STMN1: variants seen among roughly 807,000 people sequenced by gnomAD.
STMN1 encodes the protein stathmin.
In STMN1, 3 loss-of-function variants were observed where a neutral mutation model predicts 19.7. That is an observed-to-expected ratio of 0.15 (90% confidence interval 0.07 to 0.39). STMN1 has a LOEUF of 0.39. STMN1 is among the 10% of genes least tolerant of loss of function. The pLI is 1.00. For synonymous variants in STMN1, 59 were observed against 58.9 expected, an observed-to-expected ratio of 1.00 and a Z score of -0.01; for missense variants, 99 against 176.0, an observed-to-expected ratio of 0.56 and a Z score of 2.48.
At position 25,900,600 on chromosome 1, in the gene STMN1, G is replaced by C. The variant is rs1295756906; in HGVS notation, c.*416C>G. On this transcript the variant is annotated 3_prime_UTR_variant, in exon 5 of 5. Coordinates refer to ENST00000455785, the MANE Select transcript of STMN1 (RefSeq NM_005563.4). ...CTGTGCAGTTTTATTAACCATTCAA[G>C]TCCAGTAGCATCTGGTAAGATTGGG... The C allele has an allele frequency of 1.0e-6, 1 of 989,948 alleles. No individual in the cohort carries two copies. The highest frequency in any genetic ancestry group is 1.2e-6 in the Non-Finnish European group (1 of 832,870). The allele number at this position is 989,948 out of a possible 1,614,324, so 61.3% of individuals were successfully genotyped here.
At chr1:25,889,066 A>G (rs1213326877) in intron 4 of STMN1, 1 of 489,964 alleles carries the variant, frequency 2.0e-6, no homozygotes, top group Non-Finnish European at 4.0e-6. Context: ...ATCAGGTACA[A>G]CTCCAAAAGG....
At chr1:25,905,754 C>T (rs896135563) in intron 1 of STMN1, 1 of 152,452 alleles carries the variant, frequency 6.6e-6, no homozygotes, top group South Asian at 2.1e-4. Flanking sequence ...CGCCACCACC[C>T]CCTTCACAGT....
chr1:25,901,152 A>G (rs377131308), intron 4 of STMN1, 65 bp from the exon 5 acceptor site: 1 of 1,568,350 alleles, frequency 6.4e-7, no homozygotes, highest in Non-Finnish European at 8.6e-7. Context: ...CTGTCAAGTC[A>G]CGACCCCCAG....
At chr1:25,885,645 A>G (rs1022934956) in exon 5 of STMN1, 6 of 1,433,450 alleles carry the variant, frequency 4.2e-6, no homozygotes, top group Non-Finnish European at 5.5e-6. Flanking sequence ...TATCTTCCAC[A>G]TCAAGGATCC....
chr1:25,889,587 A>T (rs1354868715), intron 4 of STMN1, among the ~76,000 whole-genome samples: 1 of 151,978 alleles, frequency 6.6e-6, no homozygotes, highest in Non-Finnish European at 1.5e-5. Flanking sequence ...TAGATCCTGA[A>T]TCTAACCATG....
intron 3 of STMN1, chr1:25,902,805 T>C (rs572753235): frequency 6.6e-6 from 1 of 152,274 alleles, no homozygotes; most frequent in Non-Finnish European, 1.5e-5. Context: ...GTGTAAGCAC[T>C]GAGGCTCTTC....
intron 4 of STMN1, among the ~76,000 whole-genome samples, chr1:25,892,285 A>G (rs988200973): frequency 6.6e-6 from 1 of 151,122 alleles, no homozygotes; most frequent in South Asian, 2.1e-4. Flanking sequence ...GCTACTTGGG[A>G]GGCTGAGGCA....
At chr1:25,889,240 G>C in intron 4 of STMN1, 1 of 263,098 alleles carries the variant, frequency 3.8e-6, no homozygotes, top group Non-Finnish European at 7.5e-6. Flanking sequence ...TTTCCTCTCT[G>C]AATCTGTTAT....
chr1:25,893,191 A>G (rs2048791498), intron 4 of STMN1, among the ~76,000 whole-genome samples: 1 of 152,236 alleles, frequency 6.6e-6, no homozygotes. Context: ...TTGTTTTAAT[A>G]ACATTTGACA....
chr1:25,893,467 C>T (rs1572295622), intron 4 of STMN1, among the ~76,000 whole-genome samples: 1 of 152,280 alleles, frequency 6.6e-6, no homozygotes, highest in South Asian at 2.1e-4. Flanking sequence ...TCAGGGCAGG[C>T]ACACTGCTCT....
At chr1:25,901,199 A>C (rs2048869663) in intron 4 of STMN1, 112 bp from the exon 5 acceptor site, 1 of 1,520,414 alleles carries the variant, frequency 6.6e-7, no homozygotes, top group African/African-American at 1.4e-5. Context: ...ACCTCAGTGC[A>C]TATATTACAG....
At chr1:25,897,872 A>C (rs2048833140), downstream of STMN1, among the ~76,000 whole-genome samples, 1 of 152,208 alleles carries the variant, frequency 6.6e-6, no homozygotes, top group African/African-American at 2.4e-5. Flanking sequence ...CCATTTTCCC[A>C]AGTGGAGTGA....
chr1:25,900,738 T>C lies in STMN1; in HGVS notation c.*278A>G, dbSNP rs2048862591. 9 of 1,241,564 alleles carry C rather than the reference T, an allele frequency of 7.2e-6. No individual in the cohort carries two copies. The highest frequency in any genetic ancestry group is 9.1e-6 in the Non-Finnish European group (9 of 989,374). 76.9% of individuals were successfully genotyped at this position (1,241,564 alleles called of 1,614,324 possible). On this transcript the variant is annotated 3_prime_UTR_variant, in exon 5 of 5. Transcript: ENST00000455785. Reference sequence around the variant, plus strand: ...CACAGAGCCAATACAGTACTAGCCATTAACCCAGTACACCAAGTGTACTGA... The same window carrying C: ...CACAGAGCCAATACAGTACTAGCCACTAACCCAGTACACCAAGTGTACTGA...
downstream of STMN1, among the ~76,000 whole-genome samples, chr1:25,899,441 A>G (rs1297737476): frequency 1.3e-5 from 2 of 152,216 alleles, no homozygotes; most frequent in African/African-American, 4.8e-5. Context: ...TATTGCTCAG[A>G]ACCTATTGTT....
At chr1:25,901,877 G>T in intron 3 of STMN1, 195 bp from the exon 4 acceptor site, 1 of 377,000 alleles carries the variant, frequency 2.7e-6, no homozygotes, top group Non-Finnish European at 4.6e-6. Flanking sequence ...GGGCGTGGTG[G>T]CGGGTGCCTG....
Position 25,901,613 on chromosome 1 carries a change from C to A in STMN1, c.256G>T (p.Ala86Ser). ...CTGAAGTTGTTGTTCTCTTCTATTG[C>A]CTTCTGAAGCACTTCTTTCTCGTGC... ...REHEKEVLQK[A>S]IEENNNFSKM... The change falls in exon 4 of 5, where the codon GCA becomes TCA. Residue 86 changes from alanine to serine, a missense_variant. This residue lies in a region of STMN1 where 54 missense variants were observed against 79.4 expected (regional missense o/e 0.68). Transcript: ENST00000455785. 6.2e-7 allele frequency: 1 copy of A among 1,614,032 alleles called. No homozygotes were observed.
At chr1:25,894,255 G>C (rs2048799719) in intron 4 of STMN1, among the ~76,000 whole-genome samples, 2 of 152,204 alleles carry the variant, frequency 1.3e-5, no homozygotes, top group Non-Finnish European at 2.9e-5. Flanking sequence ...ACTGTGAGCA[G>C]GGGCTGTGAT....
At chr1:25,887,754 T>C (rs2048736642) in intron 4 of STMN1, 3 of 167,190 alleles carry the variant, frequency 1.8e-5, no homozygotes, top group Non-Finnish European at 1.3e-5. Flanking sequence ...TGGCGCAATC[T>C]TGGCTCACTG....
At chr1:25,887,395 T>C in intron 4 of STMN1, 1 of 316,522 alleles carries the variant, frequency 3.2e-6, no homozygotes, top group Non-Finnish European at 6.2e-6. Flanking sequence ...CTTTCCTCAG[T>C]GGGTTAACAG....
Sources: gnomAD v4.1 joint callset for allele counts (sites outside exome capture counted in the v4.1 genomes callset) on GRCh38, gnomAD v4.1.1 for gene constraint, gnomAD v4.1.1 regional missense constraint, MANE v1.5 for transcripts, NCBI Gene and HGNC (gene_info 2026-07-23, HGNC 2026-07-21) for gene names.